The following UNC5D variants were observed in gnomAD, a reference collection of about 807,000 sequenced individuals.
UNC5D encodes unc-5 netrin receptor D, also known as netrin receptor UNC5D.
In UNC5D, 39 loss-of-function variants were observed where a neutral mutation model predicts 105.4. The ratio of observed to expected loss-of-function variants is 0.37; its 90% CI spans 0.29 to 0.48. The LOEUF (loss-of-function observed/expected upper bound fraction) is 0.48. Among genes scored for constraint, UNC5D ranks in the 20% least tolerant of loss-of-function variants. The probability of loss-of-function intolerance (pLI) is 0.98; values close to 1 mark genes in which losing one functional copy is unlikely to be tolerated. For missense variants in UNC5D, 991 were observed against 1,202.4 expected (o/e 0.82, Z 2.60); for synonymous variants, 452 against 450.4 (o/e 1.00, Z -0.04).
intron 1 of UNC5D, among the ~76,000 whole-genome samples, chr8:35,433,120 T>A (rs541794561): frequency 3.2e-4 from 48 of 152,324 alleles, no homozygotes; most frequent in African/African-American, 1.1e-3. Flanking sequence ...TTTATTTTCA[T>A]TGACTATCTT....
chr8:35,571,136 C>T (rs1489372824), intron 3 of UNC5D, among the ~76,000 whole-genome samples: 2 of 152,092 alleles, frequency 1.3e-5, no homozygotes, highest in African/African-American at 2.4e-5. Context: ...CAGGCATGAA[C>T]GACTGAGCCT....
intron 4 of UNC5D, among the ~76,000 whole-genome samples, chr8:35,655,358 C>A (rs1053716199): frequency 6.6e-6 from 1 of 152,204 alleles, no homozygotes; most frequent in Admixed American, 6.5e-5. Context: ...CAACTCACGA[C>A]GCTAGGTAGA....
intron 3 of UNC5D, among the ~76,000 whole-genome samples, chr8:35,587,634 GAA>G (rs1225083056): frequency 8.5e-5 from 13 of 152,114 alleles, no homozygotes; most frequent in African/African-American, 3.1e-4. Context: ...TTGCAATTCT[GAA>G]AAGTTTGAAG....
chr8:35,242,898 T>C (rs1005700624), intron 1 of UNC5D, among the ~76,000 whole-genome samples: 1 of 152,236 alleles, frequency 6.6e-6, no homozygotes, highest in Non-Finnish European at 1.5e-5. Context: ...AGTACTTATT[T>C]AGTAGTTAAC....
chr8:35,731,399 C>CAAAAAAAAAAA (rs57529561), intron 11 of UNC5D, among the ~76,000 whole-genome samples: 2 of 30,656 alleles, frequency 6.5e-5, no homozygotes, highest in African/African-American at 1.3e-4. Flanking sequence ...ACTCTGTCTC[C>CAAAAAAAAAAA]AAAAAAAAAA....
At chr8:35,416,938 T>C (rs760233795) in intron 1 of UNC5D, among the ~76,000 whole-genome samples, 4 of 152,194 alleles carry the variant, frequency 2.6e-5, no homozygotes, top group Non-Finnish European at 5.9e-5. Flanking sequence ...TTATTTTTTA[T>C]TTTTATTTTT....
chr8:35,338,504 C>G (rs1339272255), intron 1 of UNC5D, among the ~76,000 whole-genome samples: 1 of 151,862 alleles, frequency 6.6e-6, no homozygotes, highest in Admixed American at 6.6e-5. Flanking sequence ...CTCATCTGAG[C>G]CAAGGAGAAG....
intron 1 of UNC5D, among the ~76,000 whole-genome samples, chr8:35,429,179 A>T (rs1476584965): frequency 6.6e-6 from 1 of 152,150 alleles, no homozygotes; most frequent in East Asian, 1.9e-4. Context: ...TCTTCATTTT[A>T]TCCCTTTCTT....
chr8:35,307,193 G>A (rs1490385421), intron 1 of UNC5D, among the ~76,000 whole-genome samples: 2 of 152,308 alleles, frequency 1.3e-5, no homozygotes, highest in South Asian at 2.1e-4. Context: ...GTTCAAAGCT[G>A]TCCTGAACTG....
At chr8:35,283,558 G>A (rs969768344) in intron 1 of UNC5D, among the ~76,000 whole-genome samples, 6 of 151,820 alleles carry the variant, frequency 4.0e-5, no homozygotes, top group African/African-American at 4.8e-5. Context: ...TCAAGAGATC[G>A]AGATCATCTT....
At chr8:35,274,059 C>T (rs1488838950) in intron 1 of UNC5D, among the ~76,000 whole-genome samples, 1 of 151,800 alleles carries the variant, frequency 6.6e-6, no homozygotes, top group Non-Finnish European at 1.5e-5. Context: ...ACTGACTGAG[C>T]ATAATTATGG....
chr8:35,304,541 C>T (rs1808196715), intron 1 of UNC5D, among the ~76,000 whole-genome samples: 1 of 151,930 alleles, frequency 6.6e-6, no homozygotes, highest in Admixed American at 6.6e-5. Flanking sequence ...GAAAATTGTT[C>T]AGGCGTGTCA....
intron 7 of UNC5D, among the ~76,000 whole-genome samples, chr8:35,701,010 T>G (rs569900348): frequency 1.7e-3 from 263 of 152,246 alleles, no homozygotes; most frequent in African/African-American, 4.8e-3. Context: ...CATATCTTTT[T>G]GGGGGTGGAA....
chr8:35,376,538 G>C (rs1802709470), intron 1 of UNC5D, among the ~76,000 whole-genome samples: 1 of 152,110 alleles, frequency 6.6e-6, no homozygotes, highest in South Asian at 2.1e-4. Flanking sequence ...TGTCTATTTA[G>C]AGCGAGAATG....
At chr8:35,601,227 G>A (rs972481471) in intron 4 of UNC5D, among the ~76,000 whole-genome samples, 98 of 152,230 alleles carry the variant, frequency 6.4e-4, no homozygotes, top group African/African-American at 2.3e-3. Flanking sequence ...TTAAAGTCAG[G>A]TAGCATGATG....
At chr8:35,738,131 C>A (rs1029752233) in intron 11 of UNC5D, among the ~76,000 whole-genome samples, 7 of 152,014 alleles carry the variant, frequency 4.6e-5, no homozygotes, top group African/African-American at 1.7e-4. Context: ...AAAGAAAATT[C>A]TCAGAAATGA....
chr8:35,307,817 A>C (rs1032207271), intron 1 of UNC5D, among the ~76,000 whole-genome samples: 1 of 152,100 alleles, frequency 6.6e-6, no homozygotes, highest in Non-Finnish European at 1.5e-5. Flanking sequence ...GGAACTTTAC[A>C]GTTAATATTG....
At chr8:35,306,835 A>C (rs1406636080) in intron 1 of UNC5D, among the ~76,000 whole-genome samples, 1 of 152,102 alleles carries the variant, frequency 6.6e-6, no homozygotes, top group Non-Finnish European at 1.5e-5. Context: ...AATAGTTCAA[A>C]ATGGTTTAAC....
intron 4 of UNC5D, among the ~76,000 whole-genome samples, chr8:35,610,932 G>C (rs867456837): frequency 1.2e-4 from 17 of 142,802 alleles, no homozygotes; most frequent in African/African-American, 4.2e-4. Flanking sequence ...CAATTAATTA[G>C]CCACTCTGAC....
Sources: allele counts gnomAD v4.1 joint callset (sites outside exome capture counted in the v4.1 genomes callset), GRCh38; gene constraint gnomAD v4.1.1; transcripts MANE v1.5; gene names NCBI Gene and HGNC (gene_info 2026-07-23, HGNC 2026-07-21).